SOS1: variants seen among roughly 807,000 people sequenced by gnomAD.
SOS1 encodes son of sevenless homolog 1.
In SOS1, 25 loss-of-function variants were observed where a neutral mutation model predicts 157.6. The observed-to-expected ratio is 0.16, with a 90% CI of 0.12 to 0.22. The LOEUF (loss-of-function observed/expected upper bound fraction) is 0.22, where lower values mean the gene tolerates loss of function less well. Among genes scored for constraint, SOS1 ranks in the 10% least tolerant of loss-of-function variants. SOS1 has a pLI of 1.00. For synonymous variants in SOS1, 528 were observed against 534.0 expected (o/e 0.99, Z 0.16); for missense variants, 1,237 against 1,599.1 (o/e 0.77, Z 3.86).
intron 6 of SOS1, among the ~76,000 whole-genome samples, chr2:39,046,495 CTTTTTTTTTTTTTTTTT>C (rs201639147): frequency 8.0e-6 from 1 of 124,376 alleles, no homozygotes. Flanking sequence ...GAGACAGTGT[CTTTTTTTTTTTTTTTTT>C]TTTTTTTTTT....
rs182675204 is a variant in SOS1 at position 39,054,388 on chromosome 2, G to C, written c.720+226C>G. Among the ~76,000 whole-genome samples the C allele has an allele frequency of 3.7e-4, 56 of 152,290 alleles. 1 individual carries two copies. The East Asian group carries it at 0.011, about 29-fold the overall frequency. ...TCCTTTGGAGTACATGGAGAATTCT[G>C]TGAATTCATTTTCACTTACATAATC... is the stretch of plus-strand genomic sequence containing the variant. On this transcript the variant is annotated intron_variant, in intron 5 of 22. Coordinates refer to ENST00000402219, the MANE Select transcript of SOS1 (RefSeq NM_005633.4).
chr2:39,040,002 C>CTTTTATTT (rs1457064925), intron 6 of SOS1, among the ~76,000 whole-genome samples: 1 of 151,902 alleles, frequency 6.6e-6, no homozygotes, highest in African/African-American at 2.4e-5. Context: ...TCAACACCCC[C>CTTTTATTT]TTTTATTTTT....
At chr2:39,035,934 A>G (rs1462174589) in intron 6 of SOS1, among the ~76,000 whole-genome samples, 1 of 152,242 alleles carries the variant, frequency 6.6e-6, no homozygotes, top group African/African-American at 2.4e-5. Context: ...TTCGTATTCT[A>G]TAAACCAGAA....
rs765682952 is a variant in SOS1, at chr2:38,984,373, T to G, written c.*1451A>C. The G allele has an allele frequency of 6.6e-6, 1 of 152,196 alleles. No individual in the cohort carries two copies. The highest frequency in any genetic ancestry group is 1.5e-5 in the Non-Finnish European group (1 of 68,028). The allele number at this position is 152,196 out of a possible 1,614,324, so 9.4% of individuals were successfully genotyped here. On this transcript the variant is annotated 3_prime_UTR_variant, in exon 23 of 23. Transcript: ENST00000402219. ...GCTTTATGAATAATCCATATTATGATAGTAATGATGCAGGTAGATGTTCTA... is the reference window on the plus strand; with the variant it reads ...GCTTTATGAATAATCCATATTATGAGAGTAATGATGCAGGTAGATGTTCTA...
intron 8 of SOS1, among the ~76,000 whole-genome samples, chr2:39,032,759 C>T (rs772570964): frequency 7.2e-4 from 109 of 152,182 alleles, no homozygotes; most frequent in Non-Finnish European, 1.3e-3. Context: ...GTCAAGAGTT[C>T]GAGACCAGCC....
chr2:39,104,381 C>T (rs78135846), intron 1 of SOS1, among the ~76,000 whole-genome samples: 2,060 of 152,210 alleles, frequency 0.014, 21 homozygotes, highest in Non-Finnish European at 0.021. Context: ...TGAAAAGATG[C>T]TTAATATCAT....
intron 1 of SOS1, among the ~76,000 whole-genome samples, chr2:39,081,518 C>T (rs1371904248): frequency 6.6e-6 from 1 of 150,392 alleles, no homozygotes; most frequent in Non-Finnish European, 1.5e-5. Context: ...AGACTGTCCT[C>T]GGTAAAAAAA....
At chr2:39,004,743 G>A (rs559478766) in intron 17 of SOS1, among the ~76,000 whole-genome samples, 35 of 151,466 alleles carry the variant, frequency 2.3e-4, no homozygotes, top group East Asian at 1.2e-3. Flanking sequence ...CAGGAGATAC[G>A]AAAAATGACA....
intron 1 of SOS1, among the ~76,000 whole-genome samples, chr2:39,087,422 G>T (rs1672419505): frequency 6.6e-6 from 1 of 152,176 alleles, no homozygotes; most frequent in East Asian, 1.9e-4. Context: ...GATTAACTTA[G>T]TAATTTTACA....
intron 1 of SOS1, among the ~76,000 whole-genome samples, chr2:39,104,386 TATC>T (rs565321694): frequency 9.9e-4 from 151 of 152,320 alleles, no homozygotes; most frequent in Non-Finnish European, 1.1e-3. Flanking sequence ...AGATGCTTAA[TATC>T]ATTACTGGTT....
intron 6 of SOS1, among the ~76,000 whole-genome samples, chr2:39,041,819 T>G (rs1670582209): frequency 1.3e-5 from 2 of 152,212 alleles, no homozygotes; most frequent in Admixed American, 1.3e-4. Flanking sequence ...CCTTCCTATG[T>G]CAAAGTCATA....
Position 39,120,641 on chromosome 2 carries a change from G to T in SOS1, c.-219C>A, listed in dbSNP as rs971472538. 2.1e-4 allele frequency: 61 copies of T among 292,170 alleles called. No homozygotes were observed. Among genetic ancestry groups the T allele is most frequent in the South Asian group, 7.8e-4 (6 of 7,704 alleles). 18.1% of individuals were successfully genotyped at this position (292,170 alleles called of 1,614,324 possible). A position where few individuals can be genotyped will look rare whatever the true frequency, so the allele number is the denominator to read the frequency against. ...GACACAGGTACCAGCCGTGGAGAAC[G>T]GACGCGGCCCGGAGGCGGCGGCATC... On this transcript the variant is annotated 5_prime_UTR_variant, in exon 1 of 23. Coordinates refer to ENST00000402219, the MANE Select transcript of SOS1 (RefSeq NM_005633.4).
At chr2:39,045,273 A>AGG (rs138343013) in intron 6 of SOS1, among the ~76,000 whole-genome samples, 1 of 108,048 alleles carries the variant, frequency 9.3e-6, no homozygotes, top group Non-Finnish European at 1.9e-5. Context: ...AGAGAGAGAG[A>AGG]GTGTGTGTGT....
chr2:39,067,042 AT>A (rs796921564), intron 2 of SOS1, among the ~76,000 whole-genome samples: 6 of 151,058 alleles, frequency 4.0e-5, no homozygotes, highest in South Asian at 2.1e-4. Context: ...AACTTTTAGC[AT>A]TTTTTTTTGG....
chr2:39,110,161 G>T (rs1673369866), intron 1 of SOS1, among the ~76,000 whole-genome samples: 2 of 151,850 alleles, frequency 1.3e-5, no homozygotes, highest in African/African-American at 4.8e-5. Flanking sequence ...AGAATCTGCA[G>T]ATGCTCAGTA....
chr2:39,001,583 C>G (rs754936110), intron 17 of SOS1, among the ~76,000 whole-genome samples: 4 of 152,124 alleles, frequency 2.6e-5, no homozygotes, highest in East Asian at 1.9e-4. Context: ...GACCCTCCCC[C>G]AAAGAAGGGG....
chr2:39,057,180 C>G (rs1033159195), intron 3 of SOS1, among the ~76,000 whole-genome samples: 4 of 152,084 alleles, frequency 2.6e-5, no homozygotes, highest in South Asian at 2.1e-4. Context: ...TCTTTGTTAC[C>G]TAATTCAGAA....
intron 1 of SOS1, among the ~76,000 whole-genome samples, chr2:39,092,089 TCTA>T (rs1213169882): frequency 6.6e-6 from 1 of 152,232 alleles, no homozygotes; most frequent in Non-Finnish European, 1.5e-5. Flanking sequence ...CCTTGAGTGT[TCTA>T]CTATCACTAG....
intron 1 of SOS1, among the ~76,000 whole-genome samples, chr2:39,094,633 A>T (rs1348382519): frequency 6.8e-6 from 1 of 146,790 alleles, no homozygotes; most frequent in Non-Finnish European, 1.5e-5. Flanking sequence ...AGCCTGGACG[A>T]CAGAGCAAGA....
Sources: gnomAD v4.1 joint callset for allele counts (sites outside exome capture counted in the v4.1 genomes callset) on GRCh38, gnomAD v4.1.1 for gene constraint, MANE v1.5 for transcripts, NCBI Gene and HGNC (gene_info 2026-07-23, HGNC 2026-07-21) for gene names.